The following TTC1 variants were observed in gnomAD, a reference collection of about 807,000 sequenced individuals.
TTC1 encodes the protein tetratricopeptide repeat domain 1.
TTC1 carries 31 observed loss-of-function variants against 37.6 expected under a neutral mutation model. That is an observed-to-expected ratio of 0.82 (90% CI 0.62 to 1.11). TTC1 has a LOEUF of 1.11. Ranked by LOEUF, TTC1 falls within the 50% of genes most tolerant of loss-of-function variation. The probability of loss-of-function intolerance (pLI) is 0.00; values close to 1 mark genes in which losing one functional copy is unlikely to be tolerated. For missense variants in TTC1, 351 were observed against 339.0 expected (o/e 1.04, Z -0.28); for synonymous variants, 127 against 122.4 (o/e 1.04, Z -0.25).
intron 2 of TTC1, among the ~76,000 whole-genome samples, chr5:160,015,047 A>G (rs1756576938): frequency 1.3e-5 from 2 of 152,154 alleles, no homozygotes; most frequent in Non-Finnish European, 2.9e-5. Context: ...TCCTAATGAG[A>G]TAACTTTTAG....
At chr5:160,050,293 C>A (rs1757367113) in intron 6 of TTC1, among the ~76,000 whole-genome samples, 1 of 151,814 alleles carries the variant, frequency 6.6e-6, no homozygotes, top group Admixed American at 6.6e-5. Context: ...ACTAAAAATA[C>A]AAAATTAGCT....
chr5:160,045,124 C>T (rs34760205), intron 5 of TTC1, among the ~76,000 whole-genome samples: 9,898 of 152,134 alleles, frequency 0.065, 400 homozygotes, highest in Non-Finnish European at 0.088. Context: ...TGCTGGTTTT[C>T]AAAGCTTCTT....
At position 160,020,770 on chromosome 5, in the gene TTC1, A is replaced by G. The variant is rs549152380; in HGVS notation, c.330+9912A>G. ...TCATCACCCCCAGGTAGGACCGTCT[A>G]GTTGCAGGAAAACAAGCTTAGGGCT... On this transcript the variant is annotated intron_variant, in intron 2 of 7. Coordinates refer to ENST00000231238, the MANE Select transcript of TTC1 (RefSeq NM_003314.3). 2.4e-4 allele frequency among the ~76,000 whole-genome samples: 37 copies of G among 152,370 alleles called. No homozygotes were observed. The South Asian group carries it at 5.0e-3, about 20-fold the overall frequency.
At chr5:160,056,049 T>G (rs1212946580) in intron 7 of TTC1, among the ~76,000 whole-genome samples, 1 of 152,204 alleles carries the variant, frequency 6.6e-6, no homozygotes, top group East Asian at 1.9e-4. Flanking sequence ...AGAACACAAG[T>G]ATGGCTTGTA....
At chr5:160,045,552 TCCCCCTCCC>T (rs1757218083) in intron 5 of TTC1, among the ~76,000 whole-genome samples, 1 of 87,514 alleles carries the variant, frequency 1.1e-5, no homozygotes, top group African/African-American at 4.6e-5. Flanking sequence ...TCTCTCTCTC[TCCCCCTCCC>T]CTCTCTCAAT....
rs1259672927 is a variant in TTC1 at position 160,036,741 on chromosome 5, T to C, written c.442T>C (p.Ser148Pro). Residue 148 changes from serine (S) to proline (P), a missense_variant, in exon 4 of 8, where the codon TCC (serine) becomes CCC (proline). Ser to Pro is a moderately conservative substitution (Grantham distance 74, BLOSUM62 -1). Coordinates refer to ENST00000231238, the MANE Select transcript of TTC1 (RefSeq NM_003314.3). ...TAGTCGAGCCCTCGAAATGTGCCCA[T>C]CCTGCTTCCAAAAGGAGAGGTCGAT... is the stretch of plus-strand genomic sequence containing the variant. ...SYSRALEMCP[S>P]CFQKERSILF... 6.2e-7 allele frequency: 1 copy of C among 1,614,068 alleles called. No homozygotes were observed. The highest frequency in any genetic ancestry group is 2.2e-5 in the East Asian group (1 of 44,870).
chr5:160,028,944 G>A (rs370233861), intron 2 of TTC1, among the ~76,000 whole-genome samples: 4 of 152,090 alleles, frequency 2.6e-5, no homozygotes, highest in South Asian at 2.1e-4. Context: ...ACAGAAACAA[G>A]TTAACATAAC....
rs547759096 is a variant in TTC1, at chr5:160,057,919, C to T, written c.745+6736C>T. Among the ~76,000 whole-genome samples the T allele has an allele frequency of 6.6e-6, 1 of 152,272 alleles. No individual in the cohort carries two copies. Among genetic ancestry groups the T allele is most frequent in the East Asian group, 1.9e-4 (1 of 5,186 alleles). ...AGTAGCTGGGATTACAGGTGTATGC[C>T]ACCACACCCAGCTAATTTTTCTATT... On this transcript the variant is annotated intron_variant, in intron 7 of 7. Transcript: ENST00000231238. The surrounding 1 kb of genome is among the most constrained non-coding windows in gnomAD (Gnocchi z 4.4).
intron 7 of TTC1, among the ~76,000 whole-genome samples, chr5:160,058,409 CTT>C (rs1171929571): frequency 1.8e-4 from 23 of 129,746 alleles, no homozygotes; most frequent in Admixed American, 1.6e-4. Context: ...AAGTGTATTT[CTT>C]TTTTTTTTTT....
At chr5:160,043,037 C>A in intron 4 of TTC1, 96 bp from the exon 5 acceptor site, 1 of 1,264,782 alleles carries the variant, frequency 7.9e-7, no homozygotes, top group Non-Finnish European at 1.1e-6. Context: ...TCTGTATCTC[C>A]ATAAGCAGTT....
chr5:160,039,318 A>G (rs1005193332), intron 4 of TTC1: 1 of 146,966 alleles, frequency 6.8e-6, no homozygotes, highest in African/African-American at 2.5e-5. Flanking sequence ...CTTATATATT[A>G]TATACATTGT....
Position 160,026,713 on chromosome 5 carries a change from C to T in TTC1, c.331-8427C>T, listed in dbSNP as rs191343409. Among the ~76,000 whole-genome samples, 340 of 152,228 alleles carry T rather than the reference C, an allele frequency of 2.2e-3. 2 individuals carry two copies. The highest frequency in any genetic ancestry group is 7.6e-3 in the African/African-American group (317 of 41,540). ...GAATGTAAAGTATGCATCCTATAGT[C>T]AACATATAATTGAATCTTTTTAAAT... On this transcript the variant is annotated intron_variant, in intron 2 of 7. Transcript: ENST00000231238.
intron 2 of TTC1, among the ~76,000 whole-genome samples, chr5:160,017,364 C>T (rs764441280): frequency 2.0e-5 from 3 of 152,186 alleles, no homozygotes; most frequent in Non-Finnish European, 2.9e-5. Context: ...CTCTTCCTTA[C>T]AGATGGCACC....
At chr5:160,052,057 G>T (rs1388536649) in intron 7 of TTC1, among the ~76,000 whole-genome samples, 1 of 152,216 alleles carries the variant, frequency 6.6e-6, no homozygotes, top group Admixed American at 6.5e-5. Flanking sequence ...TGATTGAGAG[G>T]AGGCCATTAA....
intron 4 of TTC1, 58 bp downstream of exon 4, chr5:160,036,861 C>G (rs1474275174): frequency 8.0e-7 from 1 of 1,250,466 alleles, no homozygotes; most frequent in Non-Finnish European, 1.2e-6. Flanking sequence ...TCTTTTCATA[C>G]CATAGTTTCT....
chr5:160,010,477 A>AGTTTT, intron 1 of TTC1, 23 bp from the exon 2 acceptor site: 1 of 1,478,672 alleles, frequency 6.8e-7, no homozygotes, highest in Non-Finnish European at 9.3e-7. Context: ...ATTATATAGC[A>AGTTTT]GTTTTGTTTT....
intron 5 of TTC1, among the ~76,000 whole-genome samples, chr5:160,045,342 A>G (rs1406408606): frequency 6.6e-6 from 1 of 152,044 alleles, no homozygotes; most frequent in African/African-American, 2.4e-5. Context: ...TTAAACTAAT[A>G]TTTATGTGGT....
intron 2 of TTC1, among the ~76,000 whole-genome samples, chr5:160,012,456 C>T (rs1756520301): frequency 6.6e-6 from 1 of 151,912 alleles, no homozygotes; most frequent in Non-Finnish European, 1.5e-5. Flanking sequence ...TTTCAACCTC[C>T]TGGGCTCAAG....
At chr5:160,027,971 A>T (rs1262937470) in intron 2 of TTC1, among the ~76,000 whole-genome samples, 1 of 152,006 alleles carries the variant, frequency 6.6e-6, no homozygotes, top group East Asian at 1.9e-4. Context: ...AGCTTCTTGG[A>T]TCTTTAGATT....
Sources: allele counts gnomAD v4.1 joint callset (sites outside exome capture counted in the v4.1 genomes callset), GRCh38; gene constraint gnomAD v4.1.1; non-coding constraint Gnocchi (gnomAD v3.1); transcripts MANE v1.5; gene names NCBI Gene and HGNC (gene_info 2026-07-23, HGNC 2026-07-21).